The following LRTM3 variants were observed in gnomAD, a reference collection of about 807,000 sequenced individuals.
The protein encoded by LRTM3 is leucine rich repeat transmembrane protein 3, also known as leucine-rich repeat transmembrane protein 3.
At chr13:102,750,144 T>G in the LRTM3 span, 1 of 1,551,310 alleles carries the variant, frequency 6.4e-7, no homozygotes, top group Non-Finnish European at 8.7e-7. Flanking sequence ...TCATATTCTC[T>G]GTCTGGATGC....
At chr13:102,735,847 T>C in the LRTM3 span, 7 of 1,542,096 alleles carry the variant, frequency 4.5e-6, no homozygotes, top group East Asian at 4.9e-5. Flanking sequence ...TCAGGTAAAA[T>C]GGAGGAGGAG....
At chr13:102,740,044 T>C in the LRTM3 span, 2 of 1,550,314 alleles carry the variant, frequency 1.3e-6, no homozygotes, top group South Asian at 2.4e-5. Context: ...CTTTACTTTC[T>C]TGCAAAATAG....
chr13:102,746,225 T>C, the LRTM3 span: 1 of 1,550,746 alleles, frequency 6.4e-7, no homozygotes, highest in Non-Finnish European at 8.7e-7. Context: ...AAGATGGATT[T>C]CCTTCATTTG....
the LRTM3 span, chr13:102,739,429 T>C: frequency 1.3e-5 from 20 of 1,550,430 alleles, no homozygotes; most frequent in Middle Eastern, 1.7e-4. Flanking sequence ...GGAGCTTTAG[T>C]GGTGGAAGGC....
At chr13:102,746,409 C>T in the LRTM3 span, 2 of 1,551,088 alleles carry the variant, frequency 1.3e-6, no homozygotes, top group South Asian at 2.4e-5. Context: ...AATTGAGACG[C>T]AGGGAGACAG....
At chr13:102,755,935 ATATATACATATATATATATATATATATT>A in the LRTM3 span, among the ~76,000 whole-genome samples, 217 of 91,430 alleles carry the variant, frequency 2.4e-3, 3 homozygotes, top group African/African-American at 4.9e-3. Flanking sequence ...GTGTGTGTAT[ATATATACATATATATATATATATATATT>A]TTTTTTTTTT....
chr13:102,734,764 T>A, the LRTM3 span: 39 of 1,551,222 alleles, frequency 2.5e-5, no homozygotes, highest in African/African-American at 3.7e-4. Context: ...CTAGTTGAGA[T>A]AGAGATGGCA....
chr13:102,756,310 C>CGAA, the LRTM3 span, among the ~76,000 whole-genome samples: 4 of 73,428 alleles, frequency 5.4e-5, no homozygotes, highest in African/African-American at 1.6e-4. Flanking sequence ...ATCCTTAGTT[C>CGAA]GAAAAAAAAA....
chr13:102,734,449 T>G, the LRTM3 span: 2 of 1,551,406 alleles, frequency 1.3e-6, no homozygotes, highest in South Asian at 1.2e-5. Context: ...GTGGTTTATC[T>G]TGACCTTCAT....
At chr13:102,745,316 G>A in the LRTM3 span, 1 of 1,550,656 alleles carries the variant, frequency 6.4e-7, no homozygotes, top group East Asian at 2.4e-5. Context: ...TTCATGTGGA[G>A]ATGTATCTTG....
the LRTM3 span, chr13:102,734,048 G>A: frequency 6.4e-7 from 1 of 1,551,400 alleles, no homozygotes; most frequent in Non-Finnish European, 8.7e-7. Context: ...AAAAGTCCTT[G>A]ACAGAACCAC....
chr13:102,745,174 C>T, the LRTM3 span: 5 of 1,550,896 alleles, frequency 3.2e-6, no homozygotes, highest in South Asian at 4.8e-5. Flanking sequence ...CAAGATCCTT[C>T]CCCTGACCTG....
At chr13:102,749,279 C>G in the LRTM3 span, 1 of 1,550,818 alleles carries the variant, frequency 6.4e-7, no homozygotes, top group Non-Finnish European at 8.7e-7. Flanking sequence ...ATTTTTCTGC[C>G]CTTTAATGGT....
the LRTM3 span, chr13:102,744,982 G>T: frequency 6.4e-7 from 1 of 1,550,742 alleles, no homozygotes; most frequent in Non-Finnish European, 8.7e-7. Context: ...CATTTACTGA[G>T]TCCTCTGATT....
At chr13:102,730,437 T>C in the LRTM3 span, 13 of 1,551,134 alleles carry the variant, frequency 8.4e-6, no homozygotes, top group South Asian at 1.2e-5. Context: ...GCTGAACCAG[T>C]AGCATTTCTC....
At chr13:102,749,883 G>A in the LRTM3 span, 1 of 1,551,436 alleles carries the variant, frequency 6.4e-7, no homozygotes, top group East Asian at 2.4e-5. Flanking sequence ...CTTGAGCATT[G>A]ATAAGTAGTT....
At chr13:102,748,092 T>G in the LRTM3 span, 25 of 1,551,078 alleles carry the variant, frequency 1.6e-5, no homozygotes, top group Non-Finnish European at 2.2e-5. Context: ...CTTATTATTC[T>G]TAATGTGTCT....
the LRTM3 span, chr13:102,747,710 T>A: frequency 1.4e-5 from 21 of 1,551,068 alleles, no homozygotes; most frequent in Non-Finnish European, 1.7e-5. Flanking sequence ...TCCGGCACTC[T>A]CTCTGTCTGT....
chr13:102,740,602 T>C, the LRTM3 span: 77 of 1,548,976 alleles, frequency 5.0e-5, no homozygotes, highest in Non-Finnish European at 3.9e-5. Context: ...TTTGTTTCAC[T>C]GCTTCTCTTG....
Sources: allele counts gnomAD v4.1 joint callset (sites outside exome capture counted in the v4.1 genomes callset), GRCh38; gene constraint gnomAD v4.1.1; transcripts MANE v1.5; gene names NCBI Gene and HGNC (gene_info 2026-07-23, HGNC 2026-07-21).